Variants in CALR3 observed in about 807,000 individuals in gnomAD.
CALR3 encodes calreticulin 3.
In CALR3, 39 loss-of-function variants were observed where a neutral mutation model predicts 48.7. That is an observed-to-expected ratio of 0.80 (90% confidence interval 0.62 to 1.05). The LOEUF is 1.05. CALR3 is among the 50% of genes least tolerant of loss of function. The probability of loss-of-function intolerance (pLI) is 0.00; values close to 1 mark genes in which losing one functional copy is unlikely to be tolerated. For missense variants in CALR3, 449 were observed against 474.7 expected (o/e 0.95, Z 0.50); for synonymous variants, 185 against 172.7 (o/e 1.07, Z -0.56).
At chr19:16,490,230 C>G (rs890294723) in intron 3 of CALR3, 137 bp downstream of exon 3, 14 of 730,794 alleles carry the variant, frequency 1.9e-5, no homozygotes, top group Middle Eastern at 3.6e-4. Flanking sequence ...ACACTCAATA[C>G]TACTACAAAC....
rs577032124 is a variant in CALR3 at position 16,491,517 on chromosome 19, G to A, written c.194-947C>T. On this transcript the variant is annotated intron_variant, in intron 2 of 8. Coordinates refer to ENST00000269881, the MANE Select transcript of CALR3 (RefSeq NM_145046.5). ...TGGACTGCCAGGCATGCTGGCTCAC[G>A]CCTGTAATCCCAGCACTTTGGGAGG... Among the ~76,000 whole-genome samples, 35 of 149,922 alleles carry A rather than the reference G, an allele frequency of 2.3e-4. No individual in the cohort carries two copies. The East Asian group carries it at 4.6e-3, about 20-fold the overall frequency.
intron 7 of CALR3, among the ~76,000 whole-genome samples, chr19:16,481,230 G>T (rs555552031): frequency 1.3e-5 from 2 of 151,936 alleles, no homozygotes; most frequent in Non-Finnish European, 2.9e-5. Context: ...TATTACAGGC[G>T]TGAGCCATAC....
At position 16,485,164 on chromosome 19, in the gene CALR3, T is replaced by A; in HGVS notation, c.491A>T (p.Lys164Met). ...YHENKKLIRCKVDGFTHLYTL... is the reference protein window; with the variant it reads ...YHENKKLIRCMVDGFTHLYTL... ...TTATTTGAATACAAGAGCAGTTACCTTACACCTGATCAGTTTCTTGTTTTC... is the reference window on the plus strand; with the variant it reads ...TTATTTGAATACAAGAGCAGTTACCATACACCTGATCAGTTTCTTGTTTTC... The change falls in exon 4 of 9, where the codon AAG becomes ATG. Residue 164 changes from lysine to methionine, a missense_variant and splice_region_variant. Coordinates refer to ENST00000269881, the MANE Select transcript of CALR3 (RefSeq NM_145046.5). The A allele has an allele frequency of 1.3e-6, 2 of 1,586,604 alleles. No individual in the cohort carries two copies. Among genetic ancestry groups the A allele is most frequent in the Non-Finnish European group, 1.7e-6 (2 of 1,155,214 alleles).
intron 3 of CALR3, among the ~76,000 whole-genome samples, chr19:16,489,294 G>A (rs1349419906): frequency 6.6e-6 from 1 of 152,286 alleles, no homozygotes; most frequent in Admixed American, 6.5e-5. Context: ...ATACCTGCCA[G>A]GAGTTCGAGA....
chr19:16,495,697 G>A (rs1231505324), intron 2 of CALR3, 54 bp downstream of exon 2: 10 of 1,360,498 alleles, frequency 7.4e-6, no homozygotes, highest in East Asian at 2.3e-5. Flanking sequence ...TACCTAGAGA[G>A]GTTGCTATGG....
chr19:16,492,179 A>C (rs1258532425), intron 2 of CALR3, among the ~76,000 whole-genome samples: 1 of 152,074 alleles, frequency 6.6e-6, no homozygotes, highest in Non-Finnish European at 1.5e-5. Context: ...TTGAGAGGCC[A>C]GGCATGGTGG....
At chr19:16,482,271 A>G (rs941674345) in intron 7 of CALR3, among the ~76,000 whole-genome samples, 179 bp downstream of exon 7, 2 of 151,356 alleles carry the variant, frequency 1.3e-5, no homozygotes, top group African/African-American at 4.9e-5. Context: ...AGTCCTAGCT[A>G]CTTGGGAGGC....
chr19:16,494,710 C>A (rs2093403375), intron 2 of CALR3, among the ~76,000 whole-genome samples: 1 of 152,180 alleles, frequency 6.6e-6, no homozygotes, highest in African/African-American at 2.4e-5. Flanking sequence ...TACCCACTAA[C>A]CTTTTCCTTC....
chr19:16,484,253 C>T lies in CALR3; in HGVS notation c.493-138G>A, dbSNP rs368704371. The T allele has an allele frequency of 1.7e-4, 132 of 778,820 alleles. No homozygotes were observed. The African/African-American group carries it at 1.8e-3, about 11-fold the overall frequency. The allele number at this position is 778,820 out of a possible 1,614,324, so 48.2% of individuals were successfully genotyped here. On this transcript the variant is annotated intron_variant, in intron 4 of 8. Transcript: ENST00000269881. The stretch of plus-strand genomic sequence containing the variant: ...AGCGCTGTGGCACAATCTCGGCTCA[C>T]TACAACCTCCACCTCCTGAGTTCAA...
intron 7 of CALR3, among the ~76,000 whole-genome samples, chr19:16,482,032 G>A (rs971868663): frequency 4.0e-5 from 6 of 149,146 alleles, no homozygotes; most frequent in Admixed American, 1.4e-4. Context: ...TCAGCGTCCC[G>A]AGTAGCTGGG....
chr19:16,484,815 G>C (rs947505950), intron 4 of CALR3, among the ~76,000 whole-genome samples: 1 of 152,194 alleles, frequency 6.6e-6, no homozygotes, highest in Non-Finnish European at 1.5e-5. Flanking sequence ...ACTGCACCCA[G>C]ACATTTCTCC....
In CALR3 at chr19:16,485,183, T is replaced by C. The variant is rs867026277; in HGVS notation, c.472A>G (p.Lys158Glu). Residue 158 changes from lysine (K) to glutamate (E), a missense_variant, in exon 4 of 9, where the codon AAG becomes GAG. Transcript: ENST00000269881. ...GTTACCTTACACCTGATCAGTTTCT[T>C]GTTTTCGTGATACTTATTCTTGAAA... The part of the protein sequence containing the change: ...LHFKNKYHEN[K>E]KLIRCKVDGF... The C allele has an allele frequency of 1.2e-6, 2 of 1,606,700 alleles. No homozygotes were observed. Among genetic ancestry groups the C allele is most frequent in the Admixed American group, 3.3e-5 (2 of 59,974 alleles).
At chr19:16,479,395 C>G in intron 8 of CALR3, 121 bp from the exon 9 acceptor site, 1 of 1,103,192 alleles carries the variant, frequency 9.1e-7, no homozygotes, top group African/African-American at 1.6e-5. Flanking sequence ...ACCATCCCGG[C>G]TAACACGGTG....
Position 16,482,774 on chromosome 19 carries a change from C to G in CALR3, c.690G>C (p.Lys230Asn). ...TGCTGGTGCTGGCGTCCAGAAAATG[C>G]TTCTCCCAGTCCTTCAAAGACATGT... ...TKDNKAQDWEKHFLDASTSKQ... is the reference protein window; with the variant it reads ...TKDNKAQDWENHFLDASTSKQ... The change falls in exon 6 of 9, where the codon AAG becomes AAC. Residue 230 changes from lysine to asparagine, a missense_variant. Coordinates refer to ENST00000269881, the MANE Select transcript of CALR3 (RefSeq NM_145046.5). The G allele has an allele frequency of 6.2e-7, 1 of 1,613,124 alleles. No homozygotes were observed. The highest frequency in any genetic ancestry group is 8.5e-7 in the Non-Finnish European group (1 of 1,179,786).
chr19:16,482,655 C>T (rs1486138187), intron 6 of CALR3, 23 bp downstream of exon 6: 39 of 1,614,022 alleles, frequency 2.4e-5, no homozygotes, highest in Non-Finnish European at 3.3e-5. Flanking sequence ...GCATCCCTGG[C>T]ATCATACAAA....
At chr19:16,486,426 C>T (rs1456922662) in intron 3 of CALR3, among the ~76,000 whole-genome samples, 2 of 151,852 alleles carry the variant, frequency 1.3e-5, no homozygotes, top group African/African-American at 2.4e-5. Flanking sequence ...TCGAGACCAG[C>T]CTGACTAACA....
chr19:16,495,712 G>T, intron 2 of CALR3, 39 bp downstream of exon 2: 1 of 1,497,810 alleles, frequency 6.7e-7, no homozygotes, highest in Non-Finnish European at 9.3e-7. Flanking sequence ...CTATGGAAAT[G>T]TAACATTAGG....
chr19:16,496,063 A>T lies in CALR3; in HGVS notation c.67T>A (p.Phe23Ile), dbSNP rs368506422. Residue 23 changes from phenylalanine to isoleucine, a missense_variant, in exon 1 of 9, where the codon TTC (phenylalanine) becomes ATC (isoleucine). Transcript: ENST00000269881. ...CCTCCGTCTAGAAATTCCTCTTGGA[A>T]ATAGACGGTAGCCAGCGCCACTCGC... is the stretch of plus-strand genomic sequence containing the variant. ...MLRVALATVY[F>I]QEEFLDGEHW... is the part of the protein sequence containing the mutation. 5.1e-5 allele frequency: 81 copies of T among 1,603,114 alleles called. No individual in the cohort carries two copies. The highest frequency in any genetic ancestry group is 6.7e-5 in the Non-Finnish European group (79 of 1,174,804).
intron 6 of CALR3, 48 bp from the exon 7 acceptor site, chr19:16,482,629 G>A (rs1300780632): frequency 3.1e-6 from 5 of 1,614,026 alleles, no homozygotes; most frequent in Non-Finnish European, 4.2e-6. Context: ...ATGGGCAGCG[G>A]AGGGGCAGCC....
Sources: gnomAD v4.1 joint callset for allele counts (sites outside exome capture counted in the v4.1 genomes callset) on GRCh38, gnomAD v4.1.1 for gene constraint, MANE v1.5 for transcripts, NCBI Gene and HGNC (gene_info 2026-07-23, HGNC 2026-07-21) for gene names.